NTM: variants seen among roughly 807,000 people sequenced by gnomAD.
NTM encodes the protein neurotrimin.
Under a neutral mutation model 42.1 loss-of-function variants are expected in NTM, and 13 were observed. The ratio of observed to expected loss-of-function variants is 0.31; its 90% CI spans 0.20 to 0.49. The LOEUF is 0.49. NTM is among the 20% of genes least tolerant of loss of function. The probability of loss-of-function intolerance (pLI) is 0.99; values close to 1 mark genes in which losing one functional copy is unlikely to be tolerated. For missense variants in NTM, 373 were observed against 452.8 expected, an observed-to-expected ratio of 0.82 and a Z score of 1.60; for synonymous variants, 187 against 179.2, an observed-to-expected ratio of 1.04 and a Z score of -0.35.
intron 1 of NTM, among the ~76,000 whole-genome samples, chr11:131,429,300 G>A (rs886102720): frequency 2.6e-5 from 4 of 152,124 alleles, no homozygotes; most frequent in Non-Finnish European, 5.9e-5. Flanking sequence ...GAGAAATGGG[G>A]AGAACACCTG....
intron 4 of NTM, among the ~76,000 whole-genome samples, chr11:132,223,893 C>T (rs78126833): frequency 1.5e-3 from 226 of 152,222 alleles, no homozygotes; most frequent in African/African-American, 5.0e-3. Flanking sequence ...TAGGTGACAG[C>T]GCAGGTGTCT....
intron 1 of NTM, among the ~76,000 whole-genome samples, chr11:131,504,765 G>C (rs1298270391): frequency 6.6e-6 from 1 of 151,962 alleles, no homozygotes; most frequent in African/African-American, 2.4e-5. Flanking sequence ...TCTATTGATT[G>C]ATCTGTAAAT....
At chr11:132,113,446 G>C (rs972250792) in intron 2 of NTM, among the ~76,000 whole-genome samples, 1 of 152,218 alleles carries the variant, frequency 6.6e-6, no homozygotes, top group East Asian at 1.9e-4. Flanking sequence ...TTTCCCTCTA[G>C]GTCTCTTTCA....
intron 4 of NTM, among the ~76,000 whole-genome samples, chr11:132,291,367 G>A (rs1403860925): frequency 6.6e-6 from 1 of 152,066 alleles, no homozygotes; most frequent in Non-Finnish European, 1.5e-5. Flanking sequence ...AATGTGACTG[G>A]TAAAGGTGCC....
At chr11:132,282,572 C>A (rs916579820) in intron 4 of NTM, among the ~76,000 whole-genome samples, 1 of 152,054 alleles carries the variant, frequency 6.6e-6, no homozygotes, top group Non-Finnish European at 1.5e-5. Context: ...CTCATGTTTT[C>A]CAAAAAATAT....
At chr11:132,180,036 C>A (rs2077339220) in intron 3 of NTM, among the ~76,000 whole-genome samples, 1 of 152,034 alleles carries the variant, frequency 6.6e-6, no homozygotes, top group Non-Finnish European at 1.5e-5. Context: ...AAAATCATCA[C>A]CGTTTCTTAA....
intron 2 of NTM, among the ~76,000 whole-genome samples, chr11:132,042,830 A>G (rs2077383317): frequency 6.6e-6 from 1 of 152,236 alleles, no homozygotes; most frequent in Non-Finnish European, 1.5e-5. Flanking sequence ...GACATTGTAT[A>G]TAATGTCTGC....
chr11:131,817,369 T>A (rs551445386), intron 1 of NTM, among the ~76,000 whole-genome samples: 3 of 152,330 alleles, frequency 2.0e-5, no homozygotes, highest in Admixed American at 2.0e-4. Context: ...AATAAAATCA[T>A]CATTAGAGAT....
intron 1 of NTM, among the ~76,000 whole-genome samples, chr11:131,464,479 C>T (rs536362550): frequency 3.9e-5 from 6 of 152,136 alleles, no homozygotes; most frequent in Non-Finnish European, 8.8e-5. Flanking sequence ...ACGGAGGCTC[C>T]TCAACAGATT....
At chr11:131,717,027 G>T (rs1321448698) in intron 1 of NTM, among the ~76,000 whole-genome samples, 1 of 152,060 alleles carries the variant, frequency 6.6e-6, no homozygotes. Flanking sequence ...GTTTTCTAGA[G>T]ATGAGGTTTT....
intron 1 of NTM, among the ~76,000 whole-genome samples, chr11:131,881,590 C>G (rs1446098939): frequency 2.0e-5 from 3 of 151,856 alleles, no homozygotes; most frequent in African/African-American, 7.3e-5. Flanking sequence ...AGTGCACAGA[C>G]AGAAAGAGTG....
chr11:131,625,220 T>A lies in NTM; in HGVS notation c.82+254332T>A, dbSNP rs536874289. The stretch of plus-strand genomic sequence containing the variant: ...ATCACATTTTCTGGAGATGAATGTG[T>A]CCCTTTGAAAGCACCTGACTACATC... On this transcript the variant is annotated intron_variant, in intron 1 of 8. Transcript: ENST00000683400. Among the ~76,000 whole-genome samples the A allele has an allele frequency of 1.6e-3, 249 of 152,266 alleles. 1 individual carries two copies. The highest frequency in any genetic ancestry group is 5.7e-3 in the African/African-American group (235 of 41,542).
chr11:131,628,007 C>T (rs771637124), intron 1 of NTM, among the ~76,000 whole-genome samples: 6 of 152,138 alleles, frequency 3.9e-5, no homozygotes, highest in African/African-American at 2.4e-5. Context: ...ACAGTGTATG[C>T]CCTAAGTCCC....
At chr11:131,516,212 G>A (rs957803768) in intron 1 of NTM, among the ~76,000 whole-genome samples, 1 of 152,134 alleles carries the variant, frequency 6.6e-6, no homozygotes, top group Non-Finnish European at 1.5e-5. Context: ...TTTACACAAT[G>A]GTCCTGTGTA....
chr11:131,882,392 G>A (rs943416623), intron 1 of NTM, among the ~76,000 whole-genome samples: 1 of 152,188 alleles, frequency 6.6e-6, no homozygotes, highest in Admixed American at 6.5e-5. Flanking sequence ...CTGATTGGAT[G>A]AGGCTCACCC....
chr11:132,261,268 A>G (rs1228889821), intron 4 of NTM, among the ~76,000 whole-genome samples: 1 of 152,138 alleles, frequency 6.6e-6, no homozygotes, highest in Non-Finnish European at 1.5e-5. Context: ...ATGTCACCTC[A>G]TTTCTCTGAG....
chr11:131,890,601 T>C (rs993942753), intron 1 of NTM, among the ~76,000 whole-genome samples: 1 of 152,228 alleles, frequency 6.6e-6, no homozygotes, highest in African/African-American at 2.4e-5. Context: ...TTTCTGGGTT[T>C]TTTTTCTAAT....
chr11:131,561,221 G>T (rs534562012), intron 1 of NTM, among the ~76,000 whole-genome samples: 4 of 152,336 alleles, frequency 2.6e-5, no homozygotes, highest in African/African-American at 9.6e-5. Context: ...ACAGTGTAAG[G>T]CCCATCTGTT....
At chr11:131,403,223 A>G (rs1451190881) in intron 1 of NTM, among the ~76,000 whole-genome samples, 1 of 152,164 alleles carries the variant, frequency 6.6e-6, no homozygotes, top group Admixed American at 6.5e-5. Context: ...AAATAATGAG[A>G]CATTCAACTG....
Sources: allele counts gnomAD v4.1 joint callset (sites outside exome capture counted in the v4.1 genomes callset), GRCh38; gene constraint gnomAD v4.1.1; transcripts MANE v1.5; gene names NCBI Gene and HGNC (gene_info 2026-07-23, HGNC 2026-07-21).